Variants in VWA2 observed in about 807,000 individuals in gnomAD.
VWA2 encodes the protein von Willebrand factor A domain-containing protein 2.
Under a neutral mutation model 70.4 loss-of-function variants are expected in VWA2, and 73 were observed. The ratio of observed to expected loss-of-function variants is 1.04; its 90% CI spans 0.86 to 1.26. The LOEUF is 1.26. Ranked by LOEUF, VWA2 falls within the 50% of genes most tolerant of loss-of-function variation. VWA2 has a pLI of 0.00. For synonymous variants in VWA2, 407 were observed against 423.3 expected, an observed-to-expected ratio of 0.96 and a Z score of 0.47; for missense variants, 1,011 against 998.5, an observed-to-expected ratio of 1.01 and a Z score of -0.17.
rs757393474 is a variant in VWA2, at chr10:114,255,091, G to T, written c.261+43G>T. On this transcript the variant is annotated intron_variant, in intron 4 of 13. Coordinates refer to ENST00000392982, the MANE Select transcript of VWA2 (RefSeq NM_001272046.2). ...GGGTGTTTGTGTTAGGGCGTCTTCT[G>T]TGATAAGGGACAGAAACCCGGTCTC... The T allele has an allele frequency of 4.4e-6, 7 of 1,604,122 alleles. No individual in the cohort carries two copies. In the Admixed American group the frequency reaches 1.2e-4, roughly 27 times the overall value.
At chr10:114,282,964 AG>A (rs2133459580) in intron 9 of VWA2, among the ~76,000 whole-genome samples, 1 of 152,330 alleles carries the variant, frequency 6.6e-6, no homozygotes, top group South Asian at 2.1e-4. Context: ...TCCATGTGAA[AG>A]GGGGTCATCG....
At chr10:114,245,039 G>A (rs1354138707) in intron 1 of VWA2, among the ~76,000 whole-genome samples, 1 of 152,206 alleles carries the variant, frequency 6.6e-6, no homozygotes, top group African/African-American at 2.4e-5. Flanking sequence ...TTTCAGCGTG[G>A]GCTGTGTGAC....
At chr10:114,270,661 A>G (rs1316568986) in intron 5 of VWA2, among the ~76,000 whole-genome samples, 2 of 152,180 alleles carry the variant, frequency 1.3e-5, no homozygotes, top group Non-Finnish European at 2.9e-5. Context: ...CTTTTTAAAC[A>G]CAAGAGCTCT....
intron 12 of VWA2, 71 bp from the exon 13 acceptor site, chr10:114,290,169 A>C (rs1160885225): frequency 6.5e-7 from 1 of 1,531,296 alleles, no homozygotes; most frequent in Non-Finnish European, 8.8e-7. Context: ...TACTGGGCTT[A>C]CTTAGGGTAG....
chr10:114,271,319 T>C (rs1465875054), intron 5 of VWA2, among the ~76,000 whole-genome samples: 5 of 152,222 alleles, frequency 3.3e-5, no homozygotes, highest in South Asian at 2.1e-4. Flanking sequence ...GTTGACACTT[T>C]TTAACTTTAT....
At chr10:114,252,563 CTT>C (rs1564714770) in intron 2 of VWA2, among the ~76,000 whole-genome samples, 1 of 152,080 alleles carries the variant, frequency 6.6e-6, no homozygotes, top group Non-Finnish European at 1.5e-5. Context: ...TGGCGTCTCT[CTT>C]GTCATCACTT....
intron 5 of VWA2, among the ~76,000 whole-genome samples, chr10:114,271,724 G>A (rs1031873647): frequency 3.9e-5 from 6 of 152,130 alleles, no homozygotes; most frequent in African/African-American, 1.2e-4. Flanking sequence ...ATTAAAGGTA[G>A]GCATTGCCTT....
At chr10:114,280,283 A>C (rs1820159731) in intron 8 of VWA2, among the ~76,000 whole-genome samples, 1 of 152,186 alleles carries the variant, frequency 6.6e-6, no homozygotes, top group Non-Finnish European at 1.5e-5. Flanking sequence ...GTCCTGGGAA[A>C]TCAGCACCAG....
chr10:114,249,601 G>A (rs1412149555), intron 2 of VWA2, among the ~76,000 whole-genome samples: 1 of 152,120 alleles, frequency 6.6e-6, no homozygotes, highest in Non-Finnish European at 1.5e-5. Context: ...TTGGTTTTCT[G>A]TTCCGGCATT....
chr10:114,290,463 C>G, intron 13 of VWA2, 98 bp downstream of exon 13: 3 of 1,476,596 alleles, frequency 2.0e-6, no homozygotes, highest in Non-Finnish European at 2.7e-6. Context: ...CTAAAACATT[C>G]GTTCAGTGGA....
Position 114,286,343 on chromosome 10 carries a change from G to T in VWA2, c.1402G>T (p.Ala468Ser). The change falls in exon 11 of 14, where the codon GCA (alanine) becomes TCA (serine). Residue 468 changes from alanine (A) to serine (S), a missense_variant. Physicochemically the swap from Ala to Ser is moderately conservative, Grantham distance 99 (BLOSUM62 1). Coordinates refer to ENST00000392982, the MANE Select transcript of VWA2 (RefSeq NM_001272046.2). The part of the protein sequence containing the change: ...EDEVAGPARH[A>S]RARELLLLGV... ...TGAGGTTGCGGGCCCAGCGCGTCAC[G>T]CAAGGGCGCGAGAGCTGCTCCTGCT... is the stretch of plus-strand genomic sequence containing the variant. 6.2e-7 allele frequency: 1 copy of T among 1,613,440 alleles called. No homozygotes were observed. Among genetic ancestry groups the T allele is most frequent in the Middle Eastern group, 1.7e-4 (1 of 6,060 alleles).
At chr10:114,277,479 C>T (rs77487930) in intron 6 of VWA2, among the ~76,000 whole-genome samples, 9,013 of 152,138 alleles carry the variant, frequency 0.059, 307 homozygotes, top group Middle Eastern at 0.071. Flanking sequence ...ACCACACCCC[C>T]CCTCCGACTG....
chr10:114,284,449 T>C (rs1025372246), intron 9 of VWA2, among the ~76,000 whole-genome samples: 2 of 152,136 alleles, frequency 1.3e-5, no homozygotes, highest in African/African-American at 4.8e-5. Flanking sequence ...GACTGCAGGA[T>C]CCGAAGGCTG....
chr10:114,246,526 C>A (rs7070659), intron 1 of VWA2: 41,217 of 372,436 alleles, frequency 0.11, 2,014 homozygotes, highest in Middle Eastern at 0.19. Context: ...AAAAAAAAAA[C>A]GAGTATCATG....
chr10:114,240,908 C>G (rs1361222655), intron 1 of VWA2, among the ~76,000 whole-genome samples: 2 of 152,228 alleles, frequency 1.3e-5, no homozygotes, highest in African/African-American at 2.4e-5. Context: ...CTCATCATCT[C>G]TGGCTGAAAA....
chr10:114,262,612 C>T (rs1317703596), intron 5 of VWA2, among the ~76,000 whole-genome samples: 2 of 152,090 alleles, frequency 1.3e-5, no homozygotes, highest in Non-Finnish European at 2.9e-5. Context: ...AGTTGCAAGC[C>T]TCTGTAGGTC....
chr10:114,268,908 G>T (rs1036181120), intron 5 of VWA2, among the ~76,000 whole-genome samples: 2 of 152,090 alleles, frequency 1.3e-5, no homozygotes, highest in Non-Finnish European at 2.9e-5. Context: ...TGTTAGCCAG[G>T]ATGGTCTCGA....
chr10:114,262,284 CTT>C (rs533836599), intron 5 of VWA2, among the ~76,000 whole-genome samples: 425 of 150,214 alleles, frequency 2.8e-3, no homozygotes, highest in Admixed American at 4.7e-3. Flanking sequence ...TTTTTATACA[CTT>C]ATATTTTGTG....
intron 4 of VWA2, among the ~76,000 whole-genome samples, chr10:114,258,707 C>T (rs1004934126): frequency 2.6e-5 from 4 of 152,174 alleles, no homozygotes; most frequent in African/African-American, 7.2e-5. Flanking sequence ...CTCCCTTTCA[C>T]CCACACATTT....
Sources: allele counts gnomAD v4.1 joint callset (sites outside exome capture counted in the v4.1 genomes callset), GRCh38; gene constraint gnomAD v4.1.1; transcripts MANE v1.5; gene names NCBI Gene and HGNC (gene_info 2026-07-23, HGNC 2026-07-21).